Variants in COL5A2 observed in about 807,000 individuals in gnomAD.
COL5A2 encodes collagen alpha-2(V) chain.
A neutral mutation model predicts 208.2 loss-of-function variants in COL5A2; 23 were observed. The observed-to-expected ratio is 0.11, with a 90% CI of 0.08 to 0.16. The LOEUF (loss-of-function observed/expected upper bound fraction) is 0.16. COL5A2 is among the 10% of genes least tolerant of loss of function. COL5A2 has a pLI of 1.00. For synonymous variants in COL5A2, 625 were observed against 628.5 expected, an observed-to-expected ratio of 0.99 and a Z score of 0.08; for missense variants, 1,590 against 1,956.4, an observed-to-expected ratio of 0.81 and a Z score of 3.53.
chr2:189,422,369 TA>T, the COL5A2 span, among the ~76,000 whole-genome samples: 8 of 152,014 alleles, frequency 5.3e-5, no homozygotes, highest in East Asian at 1.5e-3. Context: ...ATTTTGGAAC[TA>T]AAAAAATGCA....
At chr2:189,419,290 T>A in the COL5A2 span, among the ~76,000 whole-genome samples, 3 of 152,162 alleles carry the variant, frequency 2.0e-5, no homozygotes, top group Admixed American at 1.3e-4. Flanking sequence ...AAATTGCTAA[T>A]TACAGTATTT....
chr2:189,229,256 A>G (rs1254516779), upstream of COL5A2, among the ~76,000 whole-genome samples: 1 of 151,718 alleles, frequency 6.6e-6, no homozygotes, highest in East Asian at 1.9e-4. Context: ...AAAAGCACAG[A>G]TACCCACTCC....
Position 189,079,110 on chromosome 2 carries a change from A to C in COL5A2, c.961-3T>G. Reference sequence around the variant, plus strand: ...GGACCAGTGGGGCCAGCTTCACCCTAAAAAAAAATGAGAATACATTACAGT... The same window carrying C: ...GGACCAGTGGGGCCAGCTTCACCCTCAAAAAAAATGAGAATACATTACAGT... On this transcript the variant is annotated splice_region_variant and splice_polypyrimidine_tract_variant and intron_variant, in intron 14 of 53. Coordinates refer to ENST00000374866, the MANE Select transcript of COL5A2 (RefSeq NM_000393.5). 6.7e-7 allele frequency: 1 copy of C among 1,500,154 alleles called. No homozygotes were observed. The highest frequency in any genetic ancestry group is 1.2e-5 in the South Asian group (1 of 86,016). 92.9% of individuals were successfully genotyped at this position (1,500,154 alleles called of 1,614,324 possible).
intron 7 of COL5A2, among the ~76,000 whole-genome samples, chr2:189,091,141 G>C (rs1686775257): frequency 6.6e-6 from 1 of 152,182 alleles, no homozygotes; most frequent in Non-Finnish European, 1.5e-5. Context: ...CAACCTTCAT[G>C]AATGAATTTT....
intron 1 of COL5A2, among the ~76,000 whole-genome samples, chr2:189,168,274 C>T (rs1167040478): frequency 6.8e-6 from 1 of 147,760 alleles, no homozygotes; most frequent in Non-Finnish European, 1.5e-5. Context: ...AACAGAATCT[C>T]TCGCTTAACA....
chr2:189,167,800 T>C (rs1482051409), intron 1 of COL5A2, among the ~76,000 whole-genome samples: 4 of 151,964 alleles, frequency 2.6e-5, no homozygotes, highest in Non-Finnish European at 5.9e-5. Flanking sequence ...GAGACTTCTA[T>C]GACTATCATA....
At chr2:189,275,153 C>A in the COL5A2 span, among the ~76,000 whole-genome samples, 3 of 152,010 alleles carry the variant, frequency 2.0e-5, no homozygotes, top group African/African-American at 7.3e-5. Context: ...TTAACAGAAA[C>A]ACAGTTTTTC....
the COL5A2 span, among the ~76,000 whole-genome samples, chr2:189,281,283 G>A: frequency 6.6e-6 from 1 of 152,116 alleles, no homozygotes; most frequent in Admixed American, 6.5e-5. Flanking sequence ...AAATTAGATT[G>A]AATGTCAAAA....
chr2:189,330,571 G>T, the COL5A2 span, among the ~76,000 whole-genome samples: 2 of 152,172 alleles, frequency 1.3e-5, no homozygotes. Context: ...TAGACAGCAG[G>T]CCTGTGAAGC....
chr2:189,323,289 C>T, the COL5A2 span, among the ~76,000 whole-genome samples: 40 of 152,152 alleles, frequency 2.6e-4, no homozygotes, highest in Non-Finnish European at 3.1e-4. Context: ...CTCACCACTC[C>T]TATTCAACAT....
chr2:189,336,237 T>C, the COL5A2 span, among the ~76,000 whole-genome samples: 3 of 152,094 alleles, frequency 2.0e-5, no homozygotes, highest in African/African-American at 7.2e-5. Flanking sequence ...AGATAAATAA[T>C]ACCAAGTAAT....
chr2:189,104,750 T>C (rs1302076156), intron 2 of COL5A2, among the ~76,000 whole-genome samples: 2 of 151,774 alleles, frequency 1.3e-5, no homozygotes, highest in Admixed American at 6.6e-5. Flanking sequence ...GCCACTATTA[T>C]TGGTTTCTCG....
chr2:189,289,323 C>T, the COL5A2 span, among the ~76,000 whole-genome samples: 2 of 150,068 alleles, frequency 1.3e-5, no homozygotes, highest in African/African-American at 2.5e-5. Context: ...CCTGGGCACC[C>T]GATCAAGACT....
the COL5A2 span, among the ~76,000 whole-genome samples, chr2:189,347,232 T>C: frequency 1.3e-5 from 2 of 152,184 alleles, no homozygotes; most frequent in Admixed American, 6.5e-5. Context: ...TTAATTGCAT[T>C]GTAGTTAATA....
intron 1 of COL5A2, among the ~76,000 whole-genome samples, chr2:189,188,936 G>T (rs933596514): frequency 6.6e-6 from 1 of 152,196 alleles, no homozygotes; most frequent in South Asian, 2.1e-4. Flanking sequence ...ATACTTTAAA[G>T]ACTTCTGTGT....
At chr2:189,112,175 A>G (rs1231483539) in intron 1 of COL5A2, among the ~76,000 whole-genome samples, 1 of 152,154 alleles carries the variant, frequency 6.6e-6, no homozygotes, top group African/African-American at 2.4e-5. Context: ...GTATAGCTTG[A>G]TGCTATACCT....
At chr2:189,410,501 G>A in the COL5A2 span, among the ~76,000 whole-genome samples, 1 of 152,004 alleles carries the variant, frequency 6.6e-6, no homozygotes, top group Non-Finnish European at 1.5e-5. Flanking sequence ...AGGAGTTCGA[G>A]GCTGCAATGA....
the COL5A2 span, among the ~76,000 whole-genome samples, chr2:189,309,449 T>G: frequency 6.6e-6 from 1 of 152,024 alleles, no homozygotes; most frequent in South Asian, 2.1e-4. Flanking sequence ...GTATGGTACC[T>G]CCCAAGTGCT....
chr2:189,343,996 G>T, the COL5A2 span, among the ~76,000 whole-genome samples: 2 of 152,128 alleles, frequency 1.3e-5, no homozygotes, highest in Non-Finnish European at 2.9e-5. Context: ...CTTAAATCAT[G>T]TGAACTTGAA....
Sources: gnomAD v4.1 joint callset for allele counts (sites outside exome capture counted in the v4.1 genomes callset) on GRCh38, gnomAD v4.1.1 for gene constraint, MANE v1.5 for transcripts, NCBI Gene and HGNC (gene_info 2026-07-23, HGNC 2026-07-21) for gene names.